Variants in FBXL2 observed in about 807,000 individuals in gnomAD.
FBXL2 encodes the protein F-box/LRR-repeat protein 2.
Under a neutral mutation model 69.2 loss-of-function variants are expected in FBXL2, and 38 were observed. That is an observed-to-expected ratio of 0.55 (90% CI 0.42 to 0.72). FBXL2 has a LOEUF of 0.72. Among genes scored for constraint, FBXL2 ranks in the 30% least tolerant of loss-of-function variants. The pLI, the probability that FBXL2 is intolerant of heterozygous loss-of-function variation, is 0.00. For missense variants in FBXL2, 354 were observed against 520.3 expected (o/e 0.68, Z 3.11); for synonymous variants, 192 against 201.3 (o/e 0.95, Z 0.39).
chr3:33,335,101 AAAT>A (rs148912671), intron 2 of FBXL2, among the ~76,000 whole-genome samples: 14,013 of 151,026 alleles, frequency 0.093, 681 homozygotes, highest in Admixed American at 0.1. Context: ...ACCTTGTCTC[AAAT>A]AATAATAATA....
At chr3:33,409,820 T>G in the FBXL2 span, among the ~76,000 whole-genome samples, 2 of 152,226 alleles carry the variant, frequency 1.3e-5, no homozygotes, top group Admixed American at 1.3e-4. Context: ...TCTGAGCTCT[T>G]GCCCATCACA....
At chr3:33,409,768 A>T in the FBXL2 span, among the ~76,000 whole-genome samples, 1 of 152,236 alleles carries the variant, frequency 6.6e-6, no homozygotes, top group Non-Finnish European at 1.5e-5. Flanking sequence ...TTTTTAAGAT[A>T]TGGCTTCCCT....
chr3:33,329,688 CAT>C (rs1392971485), intron 2 of FBXL2, among the ~76,000 whole-genome samples: 13 of 152,162 alleles, frequency 8.5e-5, no homozygotes, highest in Non-Finnish European at 1.8e-4. Context: ...TGTTCTCACT[CAT>C]ATGTGAGAGC....
At chr3:33,370,213 G>A (rs539725640) in intron 5 of FBXL2, among the ~76,000 whole-genome samples, 1 of 151,964 alleles carries the variant, frequency 6.6e-6, no homozygotes, top group Non-Finnish European at 1.5e-5. Flanking sequence ...AGGAGATCGA[G>A]ACCATCCTGG....
At chr3:33,409,112 A>T in the FBXL2 span, 22 of 924,378 alleles carry the variant, frequency 2.4e-5, no homozygotes, top group East Asian at 5.4e-4. Flanking sequence ...GAAATTTCAC[A>T]GAGAATAACA....
At chr3:33,373,064 GGA>G in intron 5 of FBXL2, 26 bp from the exon 6 acceptor site, 1 of 1,608,292 alleles carries the variant, frequency 6.2e-7, no homozygotes, top group South Asian at 1.1e-5. Context: ...CAACTTGCAG[GGA>G]GCTTTAAAAT....
chr3:33,404,848 A>G (rs2044374503), downstream of FBXL2, among the ~76,000 whole-genome samples: 1 of 152,186 alleles, frequency 6.6e-6, no homozygotes, highest in Admixed American at 6.5e-5. Context: ...CAGGACCTGA[A>G]TGACACTACC....
chr3:33,407,548 A>T (rs1255466938), downstream of FBXL2, among the ~76,000 whole-genome samples: 13 of 97,908 alleles, frequency 1.3e-4, no homozygotes, highest in East Asian at 2.2e-3. Context: ...GAATTTATTT[A>T]AAAAAAAAAA....
intron 13 of FBXL2, chr3:33,383,296 G>C (rs2043181685): frequency 6.6e-6 from 1 of 152,478 alleles, no homozygotes; most frequent in South Asian, 2.1e-4. Flanking sequence ...ATGGTGGGGT[G>C]AATCTTACAT....
rs1391608637 is a variant in FBXL2, at chr3:33,402,248, C to G, written n.1215-986C>G. On this transcript the variant is annotated intron_variant and non_coding_transcript_variant, in intron 12 of 12. Coordinates refer to the FBXL2 transcript ENST00000463736. ...CCAAATGCAGTCTCTTGCTCCCACCCTGAGCTTACTCTAGACTCTTGCCAG... is the reference window on the plus strand; with the variant it reads ...CCAAATGCAGTCTCTTGCTCCCACCGTGAGCTTACTCTAGACTCTTGCCAG... Among the ~76,000 whole-genome samples the G allele has an allele frequency of 2.6e-5, 4 of 152,206 alleles. No individual in the cohort carries two copies. The East Asian group carries it at 7.7e-4, about 29-fold the overall frequency.
In FBXL2 at chr3:33,377,306, T is replaced by A; in HGVS notation, c.822T>A (p.Thr274=). The A allele has an allele frequency of 6.2e-7, 1 of 1,614,190 alleles. No individual in the cohort carries two copies. Among genetic ancestry groups the A allele is most frequent in the Non-Finnish European group, 8.5e-7 (1 of 1,180,022 alleles). Reference sequence around the variant, plus strand: ...AGGCTGCCCGATGCTCCCATTTGACTGACGCAGGTTTTACACTTTTAGCTC... The same window carrying A: ...AGGCTGCCCGATGCTCCCATTTGACAGACGCAGGTTTTACACTTTTAGCTC... The part of the protein sequence containing the change: ...ILEAARCSHL[T]DAGFTLLARN... The change falls in exon 11 of 15, where the codon ACT becomes ACA. Residue 274 remains threonine (T), a synonymous_variant. Transcript: ENST00000484457.
chr3:33,379,365 CTT>C (rs546080035), intron 13 of FBXL2, among the ~76,000 whole-genome samples: 122 of 151,800 alleles, frequency 8.0e-4, no homozygotes, highest in Admixed American at 2.0e-3. Flanking sequence ...TTTTACAACT[CTT>C]TTTTTGAGAC....
At chr3:33,307,691 G>T (rs1046284802) in intron 2 of FBXL2, among the ~76,000 whole-genome samples, 11 of 151,558 alleles carry the variant, frequency 7.3e-5, no homozygotes, top group African/African-American at 2.2e-4. Flanking sequence ...GAAAATGAGA[G>T]ATATATATAT....
chr3:33,400,305 T>G (rs1334701922), intron 12 of FBXL2: 1 of 1,555,236 alleles, frequency 6.4e-7, no homozygotes, highest in Non-Finnish European at 8.8e-7. Context: ...AAAATGAACA[T>G]AAATAAAAGG....
rs978160751 is a variant in FBXL2, at chr3:33,373,013, T to C, written c.291-79T>C. 1.9e-5 allele frequency: 23 copies of C among 1,221,308 alleles called. No homozygotes were observed. In the Admixed American group the frequency reaches 2.4e-4, roughly 13 times the overall value. The allele number at this position is 1,221,308 out of a possible 1,614,324, so 75.7% of individuals were successfully genotyped here. A position where few individuals can be genotyped will look rare whatever the true frequency, so the allele number is the denominator to read the frequency against. On this transcript the variant is annotated intron_variant, in intron 5 of 14. Transcript: ENST00000484457. ...AATTAAGTTTGAGGGAGCGCTGTTC[T>C]AAGCGTGAATGGTTTCATATGCCCT...
At chr3:33,316,415 G>A (rs2037697823) in intron 2 of FBXL2, among the ~76,000 whole-genome samples, 1 of 152,138 alleles carries the variant, frequency 6.6e-6, no homozygotes, top group African/African-American at 2.4e-5. Context: ...TTTCCTAAGT[G>A]TGGGATCCCA....
At chr3:33,392,493 G>A (rs959865717), downstream of FBXL2, 2 of 1,283,884 alleles carry the variant, frequency 1.6e-6, no homozygotes, top group African/African-American at 1.5e-5. Context: ...AAACACGAGA[G>A]GCACTAATTA....
chr3:33,372,884 A>G (rs1490985196), intron 5 of FBXL2: 3 of 611,308 alleles, frequency 4.9e-6, no homozygotes, highest in Non-Finnish European at 8.8e-6. Flanking sequence ...CAGCACTGGC[A>G]TCACCTGGGA....
At chr3:33,315,498 C>CT (rs754783099) in intron 2 of FBXL2, among the ~76,000 whole-genome samples, 169 of 150,596 alleles carry the variant, frequency 1.1e-3, no homozygotes, top group Non-Finnish European at 2.1e-3. Flanking sequence ...CAAGTAACAT[C>CT]TTAGTATTAA....
Sources: allele counts gnomAD v4.1 joint callset (sites outside exome capture counted in the v4.1 genomes callset), GRCh38; gene constraint gnomAD v4.1.1; transcripts MANE v1.5; gene names NCBI Gene and HGNC (gene_info 2026-07-23, HGNC 2026-07-21).